PKP1: variants seen among roughly 807,000 people sequenced by gnomAD.
PKP1 encodes the protein plakophilin 1.
In PKP1, 27 loss-of-function variants were observed where a neutral mutation model predicts 76.4. That is an observed-to-expected ratio of 0.35 (90% CI 0.26 to 0.49). PKP1 has a LOEUF of 0.49. Among genes scored for constraint, PKP1 ranks in the 20% least tolerant of loss-of-function variants. The pLI is 0.99. For synonymous variants in PKP1, 404 were observed against 384.2 expected (o/e 1.05, Z -0.60); for missense variants, 964 against 955.2 (o/e 1.01, Z -0.12).
intron 6 of PKP1, 122 bp downstream of exon 6, chr1:201,318,917 T>G: frequency 1.2e-6 from 1 of 848,054 alleles, no homozygotes; most frequent in African/African-American, 1.7e-5. Flanking sequence ...CACTCCCTCT[T>G]ATGGGCAGGC....
At chr1:201,304,691 A>G (rs1212566904) in intron 2 of PKP1, among the ~76,000 whole-genome samples, 2 of 152,118 alleles carry the variant, frequency 1.3e-5, no homozygotes, top group African/African-American at 4.8e-5. Context: ...GAGATGCTAG[A>G]GTTTCTGTAG....
chr1:201,283,512 A>G lies in PKP1; in HGVS notation c.-191A>G. 1 of 650,810 alleles carries G rather than the reference A, an allele frequency of 1.5e-6. No individual in the cohort carries two copies. The highest frequency in any genetic ancestry group is 2.8e-6 in the Non-Finnish European group (1 of 360,870). The allele number at this position is 650,810 out of a possible 1,614,324, so 40.3% of individuals were successfully genotyped here. ...ACGGAGGGCGGGCCTCGCCAGTGCCAGAGAGGGACGAACCAGGGTGGAAGC... is the reference window on the plus strand; with the variant it reads ...ACGGAGGGCGGGCCTCGCCAGTGCCGGAGAGGGACGAACCAGGGTGGAAGC... On this transcript the variant is annotated 5_prime_UTR_variant, in exon 1 of 14. Coordinates refer to ENST00000367324, the MANE Select transcript of PKP1 (RefSeq NM_001005337.3).
At chr1:201,319,823 C>T in intron 6 of PKP1, 1 of 1,614,004 alleles carries the variant, frequency 6.2e-7, no homozygotes, top group Non-Finnish European at 8.5e-7. Flanking sequence ...CAGAAAGAGA[C>T]TGGGCATGCG....
chr1:201,302,484 A>G (rs1198028572), intron 2 of PKP1, among the ~76,000 whole-genome samples: 2 of 152,168 alleles, frequency 1.3e-5, no homozygotes, highest in Admixed American at 6.5e-5. Flanking sequence ...CTGGTGCCTT[A>G]TTTCTGCTTT....
At chr1:201,320,472 G>A in intron 7 of PKP1, 91 bp downstream of exon 7, 4 of 806,586 alleles carry the variant, frequency 5.0e-6, no homozygotes, top group Admixed American at 1.9e-5. Flanking sequence ...TGACAAGACA[G>A]GAGCACAGAC....
Position 201,324,524 on chromosome 1 carries a change from T to G in PKP1, c.1777T>G (p.Ser593Ala). ...ATCTGGCAACTCTGATGTGGTGCGG[T>G]CCGGAGCCTCCCTCCTGAGCAACAT... is the stretch of plus-strand genomic sequence containing the variant. ...LQSGNSDVVR[S>A]GASLLSNMSR... The change falls in exon 10 of 14, where the codon TCC becomes GCC. Residue 593 changes from serine to alanine, a missense_variant. Transcript: ENST00000367324. 1 of 1,614,112 alleles carries G rather than the reference T, an allele frequency of 6.2e-7. No individual in the cohort carries two copies. Among genetic ancestry groups the G allele is most frequent in the Non-Finnish European group, 8.5e-7 (1 of 1,180,000 alleles).
Position 201,331,303 on chromosome 1 carries a change from G to A in PKP1, c.*1262G>A, listed in dbSNP as rs1350165579. ...CACTTCCCCTGACCCCAGCTGTCTT[G>A]TCTCCACTCTGTGAAACCCACAGGG... On this transcript the variant is annotated 3_prime_UTR_variant, in exon 14 of 14. Coordinates refer to ENST00000367324, the MANE Select transcript of PKP1 (RefSeq NM_001005337.3). 1 of 152,318 alleles carries A rather than the reference G, an allele frequency of 6.6e-6. No homozygotes were observed. Among genetic ancestry groups the A allele is most frequent in the Non-Finnish European group, 1.5e-5 (1 of 68,166 alleles). 9.4% of individuals were successfully genotyped at this position (152,318 alleles called of 1,614,324 possible). A position where few individuals can be genotyped will look rare whatever the true frequency, so the allele number is the denominator to read the frequency against.
intron 2 of PKP1, among the ~76,000 whole-genome samples, chr1:201,301,883 T>G (rs1238254441): frequency 6.6e-6 from 1 of 152,176 alleles, no homozygotes. Flanking sequence ...CACGCTAACT[T>G]AAACCTCTCC....
intron 1 of PKP1, among the ~76,000 whole-genome samples, chr1:201,289,688 G>GCACACACACA (rs3057891): frequency 3.9e-4 from 57 of 145,050 alleles, no homozygotes; most frequent in African/African-American, 9.4e-4. Context: ...TGGGAGGAGT[G>GCACACACACA]CACACACACA....
rs113313971 is a variant in PKP1, at chr1:201,290,546, A to G, written c.203-3396A>G. On this transcript the variant is annotated intron_variant, in intron 1 of 13. Coordinates refer to ENST00000367324, the MANE Select transcript of PKP1 (RefSeq NM_001005337.3). ...GTGGCCTTGGGTATTTGAGAGCTGC[A>G]GCAGCCCTCCTCTCTTCCTGGTTTA... is the stretch of plus-strand genomic sequence containing the variant. Among the ~76,000 whole-genome samples the G allele has an allele frequency of 1.9e-3, 287 of 152,310 alleles. 1 individual carries two copies. The highest frequency in any genetic ancestry group is 6.4e-3 in the African/African-American group (266 of 41,572).
intron 2 of PKP1, among the ~76,000 whole-genome samples, chr1:201,302,557 G>A (rs1440814031): frequency 6.6e-6 from 1 of 152,222 alleles, no homozygotes; most frequent in Non-Finnish European, 1.5e-5. Flanking sequence ...CCAAGCGGGT[G>A]GAAGAGCCGT....
intron 2 of PKP1, among the ~76,000 whole-genome samples, chr1:201,297,045 A>G (rs1656099523): frequency 6.6e-6 from 1 of 152,234 alleles, no homozygotes; most frequent in Non-Finnish European, 1.5e-5. Context: ...GTCGTACCTT[A>G]TAGTTTTACC....
chr1:201,285,516 T>C (rs1655707677), intron 1 of PKP1, among the ~76,000 whole-genome samples: 2 of 152,292 alleles, frequency 1.3e-5, no homozygotes, highest in Middle Eastern at 6.8e-3. Flanking sequence ...TTTGGTGCCT[T>C]GGTAGGTGCC....
At chr1:201,294,265 A>C (rs1656014252) in intron 2 of PKP1, among the ~76,000 whole-genome samples, 1 of 152,242 alleles carries the variant, frequency 6.6e-6, no homozygotes, top group Non-Finnish European at 1.5e-5. Flanking sequence ...TCAAATGATA[A>C]TATTTTAGGA....
chr1:201,318,561 G>C (rs533886202), intron 5 of PKP1, 57 bp from the exon 6 acceptor site: 4 of 1,522,920 alleles, frequency 2.6e-6, no homozygotes, highest in Non-Finnish European at 2.7e-6. Flanking sequence ...CTGTTACCTC[G>C]GTCCCTAGGG....
In PKP1 at chr1:201,325,784, G is replaced by T. The variant is rs535770703; in HGVS notation, c.2052G>T (p.Arg684=). The T allele has an allele frequency of 6.2e-7, 1 of 1,614,078 alleles. No individual in the cohort carries two copies. The highest frequency in any genetic ancestry group is 1.7e-5 in the Admixed American group (1 of 60,026). Residue 684 remains arginine, a synonymous_variant, in exon 12 of 14, where the codon CGG becomes CGT. Transcript: ENST00000367324. Reference sequence around the variant, plus strand: ...CACCCAAGGCCGCAGAAGCTGCCCGGCTTCTCCTGTCTGACATGTGGTCCA... The same window carrying T: ...CACCCAAGGCCGCAGAAGCTGCCCGTCTTCTCCTGTCTGACATGTGGTCCA... ...SASPKAAEAA[R]LLLSDMWSSK...
Position 201,285,771 on chromosome 1 carries a change from A to G in PKP1, c.202+1867A>G, listed in dbSNP as rs116941316. 5.8e-4 allele frequency among the ~76,000 whole-genome samples: 88 copies of G among 152,348 alleles called. No individual in the cohort carries two copies. In the East Asian group the frequency reaches 0.014, roughly 25 times the overall value. On this transcript the variant is annotated intron_variant, in intron 1 of 13. Coordinates refer to ENST00000367324, the MANE Select transcript of PKP1 (RefSeq NM_001005337.3). ...ATTGGCTGAGTGTCTGTCAGCAAGAAGTGCACTTTCTGGGCTTGGTCTTTG... is the reference window on the plus strand; with the variant it reads ...ATTGGCTGAGTGTCTGTCAGCAAGAGGTGCACTTTCTGGGCTTGGTCTTTG...
At chr1:201,306,487 A>G (rs1164528248) in intron 2 of PKP1, among the ~76,000 whole-genome samples, 2 of 152,348 alleles carry the variant, frequency 1.3e-5, no homozygotes, top group East Asian at 3.9e-4. Context: ...AAAGACCCGC[A>G]AGCTACAAAG....
In PKP1 at chr1:201,318,679, G is replaced by A. The variant is rs371461061; in HGVS notation, c.1116G>A (p.Leu372=). The A allele has an allele frequency of 6.2e-7, 1 of 1,612,226 alleles. No individual in the cohort carries two copies. Among genetic ancestry groups the A allele is most frequent in the African/African-American group, 1.3e-5 (1 of 74,842 alleles). The change falls in exon 6 of 14, where the codon CTG becomes CTA. Residue 372 remains leucine, a synonymous_variant. Transcript: ENST00000367324. ...ELKEELIADA[L]PVLADRVIIP... ...AGGAGGAACTCATTGCCGACGCCCT[G>A]CCTGTTCTGGCCGACCGCGTCATCA... is the stretch of plus-strand genomic sequence containing the variant.
Sources: allele counts gnomAD v4.1 joint callset (sites outside exome capture counted in the v4.1 genomes callset), GRCh38; gene constraint gnomAD v4.1.1; transcripts MANE v1.5; gene names NCBI Gene and HGNC (gene_info 2026-07-23, HGNC 2026-07-21).